The following DNAH3 variants were observed in gnomAD, a reference collection of about 807,000 sequenced individuals.
The protein encoded by DNAH3 is dynein axonemal heavy chain 3, also known as axonemal beta dynein heavy chain 3.
DNAH3 carries 332 observed loss-of-function variants against 432.5 expected under a neutral mutation model. That is an observed-to-expected ratio of 0.77 (90% confidence interval 0.70 to 0.84). The LOEUF (loss-of-function observed/expected upper bound fraction) is 0.84. DNAH3 is among the 40% of genes least tolerant of loss of function. The pLI is 0.00. For synonymous variants in DNAH3, 1,956 were observed against 1,900.2 expected (o/e 1.03, Z -0.76); for missense variants, 4,861 against 5,114.0 (o/e 0.95, Z 1.51).
intron 49 of DNAH3, 59 bp from the exon 50 acceptor site, chr16:20,979,605 C>T: frequency 6.8e-7 from 1 of 1,478,912 alleles, no homozygotes; most frequent in Non-Finnish European, 9.4e-7. Context: ...AGATCCAGTA[C>T]AGCTTTAGTT....
intron 1 of DNAH3, among the ~76,000 whole-genome samples, chr16:21,152,128 G>A (rs899984744): frequency 6.6e-6 from 1 of 152,074 alleles, no homozygotes; most frequent in Non-Finnish European, 1.5e-5. Context: ...CAGCTACTTG[G>A]GGGGCTGAGG....
At chr16:20,942,092 G>C (rs1048955804) in intron 58 of DNAH3, among the ~76,000 whole-genome samples, 3 of 149,816 alleles carry the variant, frequency 2.0e-5, no homozygotes, top group African/African-American at 7.4e-5. Flanking sequence ...AAAAAGAGTC[G>C]TGTCCTGACA....
chr16:20,943,535 T>G, intron 58 of DNAH3, among the ~76,000 whole-genome samples: 1 of 151,676 alleles, frequency 6.6e-6, no homozygotes, highest in East Asian at 1.9e-4. Context: ...CTTTTCCAGT[T>G]CTGACCATCT....
chr16:20,940,472 G>A (rs2083763137), intron 59 of DNAH3, among the ~76,000 whole-genome samples: 1 of 152,176 alleles, frequency 6.6e-6, no homozygotes, highest in South Asian at 2.1e-4. Context: ...TGTCACCCAG[G>A]CTGGAGTGCA....
At chr16:20,969,315 T>C (rs564150835) in intron 52 of DNAH3, among the ~76,000 whole-genome samples, 12 of 152,240 alleles carry the variant, frequency 7.9e-5, no homozygotes, top group African/African-American at 2.4e-4. Context: ...TGTGCATGCA[T>C]GCATGCGTGT....
chr16:21,096,660 GTTTGT>G (rs1018341301), intron 18 of DNAH3, among the ~76,000 whole-genome samples: 4 of 151,406 alleles, frequency 2.6e-5, no homozygotes, highest in Admixed American at 6.6e-5. Context: ...TTTTTTATTT[GTTTGT>G]TTTGTTTTGT....
At chr16:21,076,307 A>T (rs1392765128) in intron 20 of DNAH3, among the ~76,000 whole-genome samples, 1 of 152,218 alleles carries the variant, frequency 6.6e-6, no homozygotes, top group African/African-American at 2.4e-5. Flanking sequence ...ATAGGGGAAG[A>T]CAGCCATCTG....
At chr16:20,980,167 A>G (rs1367813363) in intron 49 of DNAH3, among the ~76,000 whole-genome samples, 1 of 138,390 alleles carries the variant, frequency 7.2e-6, no homozygotes, top group African/African-American at 2.9e-5. Flanking sequence ...TTGTAGAAAA[A>G]AAAATATATA....
chr16:20,983,008 G>A (rs2085985518), intron 48 of DNAH3, 122 bp from the exon 49 acceptor site: 1 of 1,006,846 alleles, frequency 9.9e-7, no homozygotes, highest in Non-Finnish European at 1.5e-6. Flanking sequence ...TGGCGCTCCA[G>A]GGATGTGACT....
intron 44 of DNAH3, among the ~76,000 whole-genome samples, chr16:20,988,617 T>G (rs2086345332): frequency 6.6e-6 from 1 of 152,228 alleles, no homozygotes; most frequent in South Asian, 2.1e-4. Flanking sequence ...AAGAATGTTT[T>G]TAAAAGATAA....
chr16:20,941,310 T>C (rs921492983), intron 59 of DNAH3, 91 bp downstream of exon 59: 33 of 1,528,124 alleles, frequency 2.2e-5, no homozygotes, highest in Non-Finnish European at 2.8e-5. Context: ...AACCACTTCC[T>C]CTGCATAGCA....
Position 21,106,482 on chromosome 16 carries a change from G to A in DNAH3, c.2284+8C>T. 4 of 1,577,364 alleles carry A rather than the reference G, an allele frequency of 2.5e-6. No individual in the cohort carries two copies. The highest frequency in any genetic ancestry group is 8.7e-7 in the Non-Finnish European group (1 of 1,155,016). On this transcript the variant is annotated splice_region_variant and intron_variant, in intron 15 of 61. Coordinates refer to ENST00000261383, the Ensembl canonical transcript of DNAH3. ...CATTTCGATGGTCACACATGGCATT[G>A]GACTTACACGGCAAGTCTGCATAGT...
chr16:21,095,697 T>A (rs2091655730), intron 18 of DNAH3, among the ~76,000 whole-genome samples: 1 of 152,222 alleles, frequency 6.6e-6, no homozygotes, highest in African/African-American at 2.4e-5. Flanking sequence ...TGTATATAAA[T>A]TTAAAAATAA....
At chr16:21,155,579 G>A (rs559546309) in intron 1 of DNAH3, among the ~76,000 whole-genome samples, 5 of 126,260 alleles carry the variant, frequency 4.0e-5, no homozygotes, top group East Asian at 2.5e-4. Context: ...CCGAGATAGC[G>A]CCACTGCACT....
chr16:21,070,665 G>A (rs1228409217), intron 22 of DNAH3, 45 bp downstream of exon 22: 5 of 1,279,114 alleles, frequency 3.9e-6, no homozygotes, highest in Non-Finnish European at 4.6e-6. Flanking sequence ...GAGAAACCCA[G>A]AGCTAACGAA....
intron 51 of DNAH3, among the ~76,000 whole-genome samples, chr16:20,973,021 G>A (rs1597011950): frequency 6.6e-6 from 1 of 151,432 alleles, no homozygotes; most frequent in South Asian, 2.1e-4. Flanking sequence ...GAGCCACCTC[G>A]CCCAGCTGCC....
At chr16:21,075,520 A>T (rs2090943661) in exon 21 of DNAH3, 1 of 1,613,958 alleles carries the variant, frequency 6.2e-7, no homozygotes, top group Non-Finnish European at 8.5e-7. Flanking sequence ...GTTTTTCTCC[A>T]GAGAGTATTC....
At chr16:20,989,628 C>G (rs917248911) in intron 44 of DNAH3, among the ~76,000 whole-genome samples, 1 of 152,252 alleles carries the variant, frequency 6.6e-6, no homozygotes, top group Non-Finnish European at 1.5e-5. Flanking sequence ...CTGCCAGTCC[C>G]GGGCGGTACG....
intron 57 of DNAH3, among the ~76,000 whole-genome samples, chr16:20,946,118 C>T (rs1289550323): frequency 1.3e-5 from 2 of 152,144 alleles, no homozygotes; most frequent in African/African-American, 2.4e-5. Flanking sequence ...TCAGACATGC[C>T]TCATTATGCC....
Sources: allele counts gnomAD v4.1 joint callset (sites outside exome capture counted in the v4.1 genomes callset), GRCh38; gene constraint gnomAD v4.1.1; transcripts MANE v1.5; gene names NCBI Gene and HGNC (gene_info 2026-07-23, HGNC 2026-07-21).